FANK1: variants seen among roughly 807,000 people sequenced by gnomAD.
The protein encoded by FANK1 is fibronectin type III and ankyrin repeat domains 1.
A neutral mutation model predicts 45.3 loss-of-function variants in FANK1; 44 were observed. That is an observed-to-expected ratio of 0.97 (90% confidence interval 0.76 to 1.25). The LOEUF (loss-of-function observed/expected upper bound fraction) is 1.25, where lower values mean the gene tolerates loss of function less well. Ranked by LOEUF, FANK1 falls within the 50% of genes most tolerant of loss-of-function variation. The probability of loss-of-function intolerance (pLI) is 0.00; values close to 1 mark genes in which losing one functional copy is unlikely to be tolerated. For missense variants in FANK1, 391 were observed against 424.4 expected (o/e 0.92, Z 0.69); for synonymous variants, 149 against 152.5 (o/e 0.98, Z 0.17).
chr10:125,980,605 TCAAA>T (rs1301278128), intron 2 of FANK1: 1 of 380,552 alleles, frequency 2.6e-6, no homozygotes, highest in African/African-American at 2.1e-5. Flanking sequence ...AGAGACAGAC[TCAAA>T]CAATAGCTTG....
At chr10:125,956,738 G>A (rs536815812) in intron 1 of FANK1, among the ~76,000 whole-genome samples, 27 of 152,252 alleles carry the variant, frequency 1.8e-4, no homozygotes, top group African/African-American at 3.4e-4. Flanking sequence ...GAAGGGACTC[G>A]CTCAGGCCAT....
intron 6 of FANK1, among the ~76,000 whole-genome samples, chr10:126,002,771 T>TG (rs1271077414): frequency 6.6e-6 from 1 of 150,712 alleles, no homozygotes; most frequent in Non-Finnish European, 1.5e-5. Flanking sequence ...TCCTTTTTTT[T>TG]TTTTTTTTTT....
intron 1 of FANK1, among the ~76,000 whole-genome samples, chr10:125,897,360 C>A (rs1243237947): frequency 1.3e-5 from 2 of 152,164 alleles, no homozygotes; most frequent in African/African-American, 4.8e-5. Flanking sequence ...TTTTACCTTT[C>A]CAGGGACTTT....
chr10:125,960,815 G>T (rs138837989), intron 1 of FANK1, among the ~76,000 whole-genome samples: 1 of 151,994 alleles, frequency 6.6e-6, no homozygotes, highest in Admixed American at 6.5e-5. Context: ...GATTACAGGC[G>T]TGAGCCACTG....
At position 125,971,778 on chromosome 10, in the gene FANK1, C is replaced by T. The variant is rs542127219; in HGVS notation, c.14-8383C>T. On this transcript the variant is annotated intron_variant, in intron 1 of 10. Coordinates refer to ENST00000368693, the MANE Select transcript of FANK1 (RefSeq NM_145235.5). ...CTGGGACTACAGGTGCCCGCTACCA[C>T]GGCCGGCTAATTTTTTTGTATTTTT... Among the ~76,000 whole-genome samples the T allele has an allele frequency of 1.2e-3, 183 of 152,130 alleles. 1 individual carries two copies. The highest frequency in any genetic ancestry group is 4.2e-3 in the African/African-American group (176 of 41,526).
At chr10:125,948,992 A>G (rs1416945641) in intron 1 of FANK1, among the ~76,000 whole-genome samples, 1 of 147,718 alleles carries the variant, frequency 6.8e-6, no homozygotes, top group Admixed American at 6.8e-5. Flanking sequence ...GTAATCCAGC[A>G]TATAAACAGA....
chr10:125,919,154 A>G (rs1946734676), intron 1 of FANK1, among the ~76,000 whole-genome samples: 1 of 150,804 alleles, frequency 6.6e-6, no homozygotes, highest in Non-Finnish European at 1.5e-5. Flanking sequence ...TTTAATGTCA[A>G]ATAGAAACCA....
chr10:125,985,253 G>T (rs555864281), intron 2 of FANK1, among the ~76,000 whole-genome samples: 1 of 152,332 alleles, frequency 6.6e-6, no homozygotes, highest in African/African-American at 2.4e-5. Context: ...GAATTCTGGT[G>T]AGGCTTGGCT....
In FANK1 at chr10:125,927,121, CTT is replaced by C. The variant is rs1947403625; in HGVS notation, c.13+30469_13+30470del. Among the ~76,000 whole-genome samples, 3 of 152,054 alleles carry C rather than the reference CTT, an allele frequency of 2.0e-5. 1 individual carries two copies. The South Asian group carries it at 6.2e-4, about 32-fold the overall frequency. ...GCCTGGCCTAAAATGACCATCTTGT[CTT>C]TTGAGACAGAGTCTTGCTCTGTCAC... On this transcript the variant is annotated intron_variant, in intron 1 of 10. Coordinates refer to ENST00000368693, the MANE Select transcript of FANK1 (RefSeq NM_145235.5).
chr10:125,977,758 G>T (rs1191066501), intron 1 of FANK1, among the ~76,000 whole-genome samples: 1 of 152,166 alleles, frequency 6.6e-6, no homozygotes, highest in African/African-American at 2.4e-5. Flanking sequence ...TCCCTGTCTG[G>T]TGATGAGCCA....
intron 1 of FANK1, among the ~76,000 whole-genome samples, chr10:125,918,739 C>T (rs533844518): frequency 6.6e-6 from 1 of 150,840 alleles, no homozygotes; most frequent in Admixed American, 6.6e-5. Flanking sequence ...AATATTATTC[C>T]TGGTTCACAG....
At chr10:125,913,646 C>T (rs1946213091) in intron 1 of FANK1, among the ~76,000 whole-genome samples, 1 of 152,174 alleles carries the variant, frequency 6.6e-6, no homozygotes, top group Non-Finnish European at 1.5e-5. Context: ...GCACCAACAA[C>T]ATGGTTAGGC....
At chr10:125,932,757 G>A (rs1397607031) in intron 1 of FANK1, among the ~76,000 whole-genome samples, 1 of 152,166 alleles carries the variant, frequency 6.6e-6, no homozygotes, top group African/African-American at 2.4e-5. Flanking sequence ...GAGGAGTGGT[G>A]AAATTGGGCA....
intron 1 of FANK1, among the ~76,000 whole-genome samples, chr10:125,899,001 CCT>C (rs1036467740): frequency 6.6e-6 from 1 of 150,926 alleles, no homozygotes; most frequent in African/African-American, 2.4e-5. Flanking sequence ...CTCAAGCAAT[CCT>C]CTCACCTGAG....
intron 1 of FANK1, among the ~76,000 whole-genome samples, chr10:125,924,254 G>GGT (rs1554916248): frequency 1.4e-5 from 2 of 143,860 alleles, no homozygotes; most frequent in Non-Finnish European, 3.1e-5. Context: ...CTGATGCTTA[G>GGT]TTTTTTTTTT....
In FANK1 at chr10:125,949,510, C is replaced by T. The variant is rs543091393; in HGVS notation, c.14-30651C>T. ...GCCAAATCATGAGTGAACTCCCATT[C>T]CCAATTGCTTCAAAGAGAATAAAAT... On this transcript the variant is annotated intron_variant, in intron 1 of 10. Transcript: ENST00000368693. Among the ~76,000 whole-genome samples the T allele has an allele frequency of 4.7e-3, 720 of 152,160 alleles. 4 individuals are homozygous for T. The highest frequency in any genetic ancestry group is 6.0e-3 in the Non-Finnish European group (408 of 68,010).
At position 125,911,370 on chromosome 10, in the gene FANK1, C is replaced by T. The variant is rs113653808; in HGVS notation, c.13+14715C>T. 8.4e-3 allele frequency among the ~76,000 whole-genome samples: 1,273 copies of T among 152,302 alleles called. 21 individuals are homozygous for T. The highest frequency in any genetic ancestry group is 0.028 in the African/African-American group (1,150 of 41,574). The stretch of plus-strand genomic sequence containing the variant: ...AGCCTTTGATTTTAGCTCCGCAAGA[C>T]GCGTTTTGGACTTCTGACCTCTGGG... On this transcript the variant is annotated intron_variant, in intron 1 of 10. Transcript: ENST00000368693.
rs576370823 is a variant in FANK1, at chr10:125,898,052, G to T, written c.13+1397G>T. 2.7e-5 allele frequency among the ~76,000 whole-genome samples: 4 copies of T among 145,668 alleles called. No individual in the cohort carries two copies. The South Asian group carries it at 8.8e-4, about 32-fold the overall frequency. On this transcript the variant is annotated intron_variant, in intron 1 of 10. Coordinates refer to ENST00000368693, the MANE Select transcript of FANK1 (RefSeq NM_145235.5). ...AAAAAAAAGCCAGGTGTGGTGGCGCGTGCCTGGAGTCCTAGCTATTTGGGA... is the reference window on the plus strand; with the variant it reads ...AAAAAAAAGCCAGGTGTGGTGGCGCTTGCCTGGAGTCCTAGCTATTTGGGA...
chr10:125,979,165 G>A (rs1361139054), intron 1 of FANK1, among the ~76,000 whole-genome samples: 3 of 152,090 alleles, frequency 2.0e-5, no homozygotes, highest in African/African-American at 4.8e-5. Context: ...GCTGACCCCC[G>A]GGGGGCCATT....
Sources: allele counts gnomAD v4.1 joint callset (sites outside exome capture counted in the v4.1 genomes callset), GRCh38; gene constraint gnomAD v4.1.1; transcripts MANE v1.5; gene names NCBI Gene and HGNC (gene_info 2026-07-23, HGNC 2026-07-21).